Variants in TNRC6A observed in about 807,000 individuals in gnomAD.
TNRC6A encodes trinucleotide repeat containing adaptor 6A, also known as trinucleotide repeat-containing gene 6A protein.
TNRC6A carries 44 observed loss-of-function variants against 221.2 expected under a neutral mutation model. That is an observed-to-expected ratio of 0.20 (90% CI 0.16 to 0.26). The LOEUF (loss-of-function observed/expected upper bound fraction) is 0.26, where lower values mean the gene tolerates loss of function less well. Ranked by LOEUF, TNRC6A falls within the 10% of genes least tolerant of loss-of-function variation. TNRC6A has a pLI of 1.00. For missense variants in TNRC6A, 2,199 were observed against 2,404.4 expected, an observed-to-expected ratio of 0.91 and a Z score of 1.79; for synonymous variants, 847 against 838.5, an observed-to-expected ratio of 1.01 and a Z score of -0.18.
chr16:24,762,550 G>A (rs188265637), intron 4 of TNRC6A, among the ~76,000 whole-genome samples: 2 of 152,240 alleles, frequency 1.3e-5, no homozygotes, highest in East Asian at 1.9e-4. Flanking sequence ...GGAAATCTTT[G>A]GGATCCAGAG....
At chr16:24,690,777 A>G (rs149237063) in intron 2 of TNRC6A, among the ~76,000 whole-genome samples, 324 of 152,034 alleles carry the variant, frequency 2.1e-3, no homozygotes, top group African/African-American at 7.4e-3. Context: ...TGACAACTAA[A>G]GAGAAAATAA....
intron 1 of TNRC6A, among the ~76,000 whole-genome samples, chr16:24,626,701 A>G (rs547071195): frequency 4.3e-4 from 62 of 144,906 alleles, no homozygotes; most frequent in East Asian, 1.2e-3. Context: ...CCAGGCTGGA[A>G]TGCAGTGGCA....
chr16:24,620,541 C>G (rs1900613375), intron 1 of TNRC6A, among the ~76,000 whole-genome samples: 1 of 152,176 alleles, frequency 6.6e-6, no homozygotes, highest in African/African-American at 2.4e-5. Context: ...GGAGGGGTGG[C>G]TCATGCCTGT....
intron 5 of TNRC6A, among the ~76,000 whole-genome samples, chr16:24,781,181 C>T (rs1190638287): frequency 6.6e-6 from 1 of 151,094 alleles, no homozygotes; most frequent in Non-Finnish European, 1.5e-5. Flanking sequence ...AGTGAGTCTC[C>T]CTGAGTAGCT....
chr16:24,718,779 G>A (rs1354846399), intron 2 of TNRC6A, among the ~76,000 whole-genome samples: 1 of 152,108 alleles, frequency 6.6e-6, no homozygotes, highest in Non-Finnish European at 1.5e-5. Context: ...GCTCACACCT[G>A]TAATCCCAGC....
At chr16:24,738,377 A>C (rs2056816843) in intron 2 of TNRC6A, among the ~76,000 whole-genome samples, 2 of 152,232 alleles carry the variant, frequency 1.3e-5, no homozygotes, top group African/African-American at 4.8e-5. Context: ...AGAGTTGTGC[A>C]ATCAGCACCA....
At chr16:24,813,971 T>C (rs930549834) in intron 18 of TNRC6A, among the ~76,000 whole-genome samples, 1 of 152,198 alleles carries the variant, frequency 6.6e-6, no homozygotes, top group African/African-American at 2.4e-5. Flanking sequence ...AGCCATTACT[T>C]CATTTATGTC....
At chr16:24,756,215 T>C (rs1399844782) in intron 3 of TNRC6A, among the ~76,000 whole-genome samples, 1 of 152,224 alleles carries the variant, frequency 6.6e-6, no homozygotes, top group Admixed American at 6.5e-5. Flanking sequence ...TGTATTTTGC[T>C]CATCTCAGTT....
intron 2 of TNRC6A, among the ~76,000 whole-genome samples, chr16:24,664,511 A>C (rs1343733710): frequency 7.0e-6 from 1 of 143,658 alleles, no homozygotes; most frequent in South Asian, 2.1e-4. Flanking sequence ...AAATATAATA[A>C]TATATAATAA....
chr16:24,665,857 C>T (rs1197642485), intron 2 of TNRC6A, among the ~76,000 whole-genome samples: 3 of 152,106 alleles, frequency 2.0e-5, no homozygotes, highest in South Asian at 2.1e-4. Context: ...CCCTGCAACT[C>T]GTCTGTCTAT....
chr16:24,743,823 T>G (rs958512509), intron 2 of TNRC6A, among the ~76,000 whole-genome samples: 3 of 152,330 alleles, frequency 2.0e-5, no homozygotes, highest in Admixed American at 6.5e-5. Context: ...TCAAAGATCT[T>G]TTCTTGGTAA....
intron 3 of TNRC6A, among the ~76,000 whole-genome samples, chr16:24,756,683 G>A (rs2057259097): frequency 6.6e-6 from 1 of 152,244 alleles, no homozygotes; most frequent in Admixed American, 6.5e-5. Flanking sequence ...TGTAGAGATG[G>A]GGTTTCGCCA....
chr16:24,823,541 C>G lies in TNRC6A; in HGVS notation c.5623C>G (p.Leu1875Val). 1 of 1,614,210 alleles carries G rather than the reference C, an allele frequency of 6.2e-7. No individual in the cohort carries two copies. The highest frequency in any genetic ancestry group is 8.5e-7 in the Non-Finnish European group (1 of 1,180,024). The change falls in exon 25 of 25, where the codon CTC becomes GTC. Residue 1875 changes from leucine (L) to valine (V), a missense_variant. Transcript: ENST00000395799. The surrounding 1 kb of genome is among the most constrained non-coding windows in gnomAD (Gnocchi z 4.3). ...GACCCCTTCTCCCGGCTGGCAGTCT[C>G]TCGGGTCCAGCCAGAGCCGGCTGGG... is the stretch of plus-strand genomic sequence containing the variant. ...SLTPSPGWQS[L>V]GSSQSRLGSL...
Position 24,790,857 on chromosome 16 carries a change from T to A in TNRC6A, c.2215T>A (p.Ser739Thr). 1.9e-6 allele frequency: 3 copies of A among 1,614,010 alleles called. No individual in the cohort carries two copies. The South Asian group carries it at 3.3e-5, about 18-fold the overall frequency. The change falls in exon 6 of 25, where the codon TCA becomes ACA. Residue 739 changes from serine (S) to threonine (T), a missense_variant. Around this residue, in one of 8 missense-constraint regions of TNRC6A, gnomAD observed 1,405 missense variants for 1,400.2 expected, o/e 1.00. Transcript: ENST00000395799. Reference protein sequence around the residue: ...KQNTAWDTETSPRGERKTDNG... With the variant: ...KQNTAWDTETTPRGERKTDNG... ...GAATACTGCCTGGGATACAGAAACA[T>A]CACCTAGAGGGGAACGAAAGACTGA... is the stretch of plus-strand genomic sequence containing the variant.
intron 2 of TNRC6A, among the ~76,000 whole-genome samples, chr16:24,666,674 T>A (rs1249430281): frequency 4.4e-4 from 50 of 114,932 alleles, no homozygotes; most frequent in Non-Finnish European, 6.0e-4. Context: ...AAAAAATATA[T>A]ATATATATAT....
At chr16:24,732,326 T>C (rs2056663947) in intron 2 of TNRC6A, among the ~76,000 whole-genome samples, 1 of 152,204 alleles carries the variant, frequency 6.6e-6, no homozygotes, top group Non-Finnish European at 1.5e-5. Context: ...ATTGTATTCA[T>C]TGAGTAACCA....
chr16:24,694,333 G>A (rs2055814260), intron 2 of TNRC6A, among the ~76,000 whole-genome samples: 1 of 152,050 alleles, frequency 6.6e-6, no homozygotes, highest in South Asian at 2.1e-4. Flanking sequence ...TGGACACAAT[G>A]ACCCTAACTG....
chr16:24,719,380 T>C (rs2151082151), intron 2 of TNRC6A, among the ~76,000 whole-genome samples: 1 of 152,226 alleles, frequency 6.6e-6, no homozygotes, highest in South Asian at 2.1e-4. Flanking sequence ...TAAAAATCAG[T>C]TGGTGCTGGG....
intron 6 of TNRC6A, among the ~76,000 whole-genome samples, chr16:24,792,232 A>G (rs1418125421): frequency 2.6e-5 from 4 of 151,476 alleles, no homozygotes; most frequent in Non-Finnish European, 5.9e-5. Flanking sequence ...TTTTTTTTTT[A>G]AGTAGGTGAG....
Sources: gnomAD v4.1 joint callset for allele counts (sites outside exome capture counted in the v4.1 genomes callset) on GRCh38, gnomAD v4.1.1 for gene constraint, gnomAD v4.1.1 regional missense constraint, Gnocchi (gnomAD v3.1) non-coding constraint, MANE v1.5 for transcripts, NCBI Gene and HGNC (gene_info 2026-07-23, HGNC 2026-07-21) for gene names.